Variants in RPH3A observed in about 807,000 individuals in gnomAD.
RPH3A encodes the protein rabphilin 3A.
In RPH3A, 48 loss-of-function variants were observed where a neutral mutation model predicts 102.2. That is an observed-to-expected ratio of 0.47 (90% confidence interval 0.37 to 0.60). The LOEUF is 0.60. Among genes scored for constraint, RPH3A ranks in the 20% least tolerant of loss-of-function variants. RPH3A has a pLI of 0.00. For missense variants in RPH3A, 781 were observed against 910.1 expected (o/e 0.86, Z 1.83); for synonymous variants, 310 against 324.3 (o/e 0.96, Z 0.47).
intron 18 of RPH3A, among the ~76,000 whole-genome samples, 198 bp downstream of exon 18, chr12:112,890,278 C>T (rs2043070969): frequency 6.6e-6 from 1 of 152,232 alleles, no homozygotes; most frequent in Admixed American, 6.5e-5. Flanking sequence ...GGGGAAGCCC[C>T]TTTCTCTCAT....
intron 1 of RPH3A, among the ~76,000 whole-genome samples, chr12:112,600,580 A>G (rs1490918197): frequency 6.6e-6 from 1 of 152,188 alleles, no homozygotes; most frequent in Non-Finnish European, 1.5e-5. Flanking sequence ...GTCTGAGACC[A>G]CCTTGGCCTG....
At chr12:112,588,734 C>T (rs2039456355) in intron 1 of RPH3A, among the ~76,000 whole-genome samples, 1 of 152,162 alleles carries the variant, frequency 6.6e-6, no homozygotes, top group Non-Finnish European at 1.5e-5. Flanking sequence ...CAGTTAAGCC[C>T]GTTTTCTGGG....
intron 3 of RPH3A, among the ~76,000 whole-genome samples, chr12:112,835,967 G>T (rs2042042282): frequency 6.6e-6 from 1 of 152,190 alleles, no homozygotes; most frequent in African/African-American, 2.4e-5. Flanking sequence ...TGCCAGACAT[G>T]GAAGGAGGAA....
At chr12:112,709,924 G>T (rs115658324) in intron 1 of RPH3A, among the ~76,000 whole-genome samples, 1 of 152,102 alleles carries the variant, frequency 6.6e-6, no homozygotes, top group Non-Finnish European at 1.5e-5. Flanking sequence ...GCCCAAAGCC[G>T]GAGCATCCTC....
chr12:112,731,573 C>T (rs1013235412), intron 1 of RPH3A, among the ~76,000 whole-genome samples: 1 of 152,182 alleles, frequency 6.6e-6, no homozygotes, highest in Non-Finnish European at 1.5e-5. Flanking sequence ...TCTTAATTTC[C>T]TTTATTCCAA....
intron 1 of RPH3A, among the ~76,000 whole-genome samples, chr12:112,765,533 C>T (rs868407465): frequency 3.4e-4 from 52 of 152,172 alleles, no homozygotes; most frequent in Middle Eastern, 3.4e-3. Flanking sequence ...TGGATTTGTT[C>T]CATATTACAT....
At chr12:112,613,905 C>T (rs1000930804) in intron 1 of RPH3A, among the ~76,000 whole-genome samples, 4 of 152,178 alleles carry the variant, frequency 2.6e-5, no homozygotes, top group African/African-American at 7.2e-5. Flanking sequence ...GATTGCACCA[C>T]TGCACTCTAG....
intron 1 of RPH3A, among the ~76,000 whole-genome samples, chr12:112,580,975 C>T (rs560346182): frequency 2.3e-4 from 35 of 152,234 alleles, no homozygotes; most frequent in Non-Finnish European, 3.7e-4. Context: ...ACTGGCTTTG[C>T]GGGGAACATT....
chr12:112,889,370 A>G (rs1259465163), intron 17 of RPH3A, among the ~76,000 whole-genome samples: 1 of 152,204 alleles, frequency 6.6e-6, no homozygotes, highest in Non-Finnish European at 1.5e-5. Flanking sequence ...AGCCAGCCCC[A>G]GAGACATGGA....
intron 1 of RPH3A, among the ~76,000 whole-genome samples, chr12:112,616,366 C>T (rs971511001): frequency 5.9e-5 from 9 of 152,106 alleles, no homozygotes; most frequent in Non-Finnish European, 1.2e-4. Flanking sequence ...AGGCTGGTCT[C>T]GAACTCCTGA....
intron 1 of RPH3A, among the ~76,000 whole-genome samples, chr12:112,688,469 T>C (rs1299924382): frequency 6.6e-6 from 1 of 152,170 alleles, no homozygotes; most frequent in Non-Finnish European, 1.5e-5. Flanking sequence ...TTAATGATCA[T>C]CCATTTTTCA....
At chr12:112,847,511 A>T (rs542356745) in intron 4 of RPH3A, among the ~76,000 whole-genome samples, 185 bp from the exon 5 acceptor site, 2 of 152,370 alleles carry the variant, frequency 1.3e-5, no homozygotes, top group African/African-American at 4.8e-5. Context: ...TACTAAGCAC[A>T]TAGCAAAATA....
intron 2 of RPH3A, among the ~76,000 whole-genome samples, chr12:112,820,800 T>C (rs1157388722): frequency 6.6e-6 from 1 of 152,186 alleles, no homozygotes. Flanking sequence ...TGTGGGGTTA[T>C]TTAGAGGCTC....
chr12:112,578,083 T>C (rs1259034140), intron 1 of RPH3A, among the ~76,000 whole-genome samples: 1 of 152,194 alleles, frequency 6.6e-6, no homozygotes, highest in Non-Finnish European at 1.5e-5. Flanking sequence ...CAGCACAGAC[T>C]CTGACATAGG....
intron 1 of RPH3A, among the ~76,000 whole-genome samples, chr12:112,725,250 GAAAAA>G (rs35952537): frequency 2.0e-3 from 126 of 63,062 alleles, no homozygotes; most frequent in African/African-American, 5.0e-3. Context: ...CTTTGTCTCA[GAAAAA>G]AAAAAAAAAA....
intron 1 of RPH3A, among the ~76,000 whole-genome samples, chr12:112,681,756 C>G (rs2040227726): frequency 6.6e-6 from 1 of 152,176 alleles, no homozygotes; most frequent in African/African-American, 2.4e-5. Flanking sequence ...CTCTGACATT[C>G]CACCAATCCA....
chr12:112,854,532 A>C (rs2042377022), intron 5 of RPH3A, among the ~76,000 whole-genome samples: 1 of 152,254 alleles, frequency 6.6e-6, no homozygotes, highest in Admixed American at 6.5e-5. Context: ...GCTTGCCCAG[A>C]GTCACACAGT....
intron 2 of RPH3A, among the ~76,000 whole-genome samples, chr12:112,802,772 T>C (rs2041379605): frequency 1.3e-5 from 2 of 151,768 alleles, no homozygotes; most frequent in African/African-American, 2.4e-5. Flanking sequence ...ATCACCTCTG[T>C]CCATTCCCCA....
chr12:112,840,743 C>A (rs1238862048), intron 4 of RPH3A, among the ~76,000 whole-genome samples: 6 of 151,966 alleles, frequency 3.9e-5, no homozygotes, highest in Non-Finnish European at 5.9e-5. Context: ...CAGTAAAATA[C>A]CTTCTAAAAT....
Sources: gnomAD v4.1 joint callset for allele counts (sites outside exome capture counted in the v4.1 genomes callset) on GRCh38, gnomAD v4.1.1 for gene constraint, MANE v1.5 for transcripts, NCBI Gene and HGNC (gene_info 2026-07-23, HGNC 2026-07-21) for gene names.